Variants in LRP2 observed in about 807,000 individuals in gnomAD.
LRP2 encodes the protein low-density lipoprotein receptor-related protein 2.
A neutral mutation model predicts 531.0 loss-of-function variants in LRP2; 172 were observed. The observed-to-expected ratio is 0.32, with a 90% CI of 0.29 to 0.37. LRP2 has a LOEUF of 0.37. LRP2 is among the 10% of genes least tolerant of loss of function. LRP2 has a pLI of 1.00. For missense variants in LRP2, 5,167 were observed against 5,868.3 expected, an observed-to-expected ratio of 0.88 and a Z score of 3.90; for synonymous variants, 1,992 against 2,027.6, an observed-to-expected ratio of 0.98 and a Z score of 0.47.
intron 61 of LRP2, among the ~76,000 whole-genome samples, chr2:169,167,966 C>T (rs1443407364): frequency 7.1e-6 from 1 of 140,668 alleles, no homozygotes; most frequent in Non-Finnish European, 1.5e-5. Flanking sequence ...ACCCCTCCTC[C>T]TCTGCTACTG....
At chr2:169,211,868 A>T in intron 37 of LRP2, 100 bp downstream of exon 37, 4 of 1,462,330 alleles carry the variant, frequency 2.7e-6, no homozygotes, top group Non-Finnish European at 3.8e-6. Flanking sequence ...AAGCTTCATT[A>T]TGCACTGAAT....
At chr2:169,351,972 G>A (rs1243641506) in intron 1 of LRP2, among the ~76,000 whole-genome samples, 1 of 152,302 alleles carries the variant, frequency 6.6e-6, no homozygotes. Flanking sequence ...GAGGCGGTAG[G>A]ATCAACAAAC....
intron 34 of LRP2, among the ~76,000 whole-genome samples, chr2:169,218,800 G>T (rs906815218): frequency 6.6e-6 from 1 of 152,040 alleles, no homozygotes; most frequent in Non-Finnish European, 1.5e-5. Flanking sequence ...TTTACTGCTC[G>T]AAAGATCTTG....
intron 22 of LRP2, among the ~76,000 whole-genome samples, chr2:169,243,899 T>G (rs914541974): frequency 6.6e-6 from 1 of 152,192 alleles, no homozygotes; most frequent in African/African-American, 2.4e-5. Flanking sequence ...ATGACCCACA[T>G]GCCTAGTAGC....
chr2:169,282,434 T>C (rs758532611), intron 10 of LRP2, among the ~76,000 whole-genome samples: 1 of 152,206 alleles, frequency 6.6e-6, no homozygotes, highest in Non-Finnish European at 1.5e-5. Flanking sequence ...AAATTGTTAA[T>C]CCAAATTTAG....
At chr2:169,208,555 C>T (rs989451812) in intron 38 of LRP2, among the ~76,000 whole-genome samples, 1 of 152,162 alleles carries the variant, frequency 6.6e-6, no homozygotes, top group African/African-American at 2.4e-5. Context: ...CTCCCGGCTT[C>T]AAGAGATTCT....
rs1422189127 is a variant in LRP2 at position 169,169,794 on chromosome 2, T to C, written c.11405A>G (p.Tyr3802Cys). 1.2e-6 allele frequency: 2 copies of C among 1,613,542 alleles called. No individual in the cohort carries two copies. The highest frequency in any genetic ancestry group is 2.2e-5 in the East Asian group (1 of 44,872). ...ACAATGTCCACTTGTACACTGAAAA[T>C]ATTCAGGATGGCAGGTCCTCATCTC... is the stretch of plus-strand genomic sequence containing the variant. ...DCEMRTCHPEYFQCTSGHCVH... is the reference protein window; with the variant it reads ...DCEMRTCHPECFQCTSGHCVH... The change falls in exon 60 of 79, where the codon TAT (tyrosine) becomes TGT (cysteine). Residue 3802 changes from tyrosine (Y) to cysteine (C), a missense_variant. Transcript: ENST00000649046.
intron 19 of LRP2, among the ~76,000 whole-genome samples, chr2:169,247,959 C>T (rs1045326241): frequency 2.0e-5 from 3 of 152,180 alleles, no homozygotes; most frequent in African/African-American, 7.2e-5. Context: ...CCAGGTCAAA[C>T]AGTTCATATT....
In LRP2 at chr2:169,140,475, C is replaced by A; in HGVS notation, c.13179G>T (p.Glu4393Asp). Residue 4393 changes from glutamate (E) to aspartate (D), a missense_variant, in exon 72 of 79, where the codon GAG (glutamate) becomes GAT (aspartate). Transcript: ENST00000649046. Reference sequence around the variant, plus strand: ...CTTACTTGCATTTGGGGAGGTCAGTCTCATCAAAATAGCAATTTCCTCCGT... The same window carrying A: ...CTTACTTGCATTTGGGGAGGTCAGTATCATCAAAATAGCAATTTCCTCCGT... ...CMHGGNCYFD[E>D]TDLPKCKCPS... The A allele has an allele frequency of 6.2e-6, 10 of 1,614,096 alleles. No homozygotes were observed. The highest frequency in any genetic ancestry group is 8.5e-6 in the Non-Finnish European group (10 of 1,179,964).
intron 9 of LRP2, among the ~76,000 whole-genome samples, chr2:169,284,247 C>CTTTTTTTTCTCTTTTTTTTTTTTTTTTTT (rs1683782427): frequency 1.4e-5 from 1 of 72,236 alleles, no homozygotes; most frequent in Non-Finnish European, 2.9e-5. Flanking sequence ...TTTTCTTTTT[C>CTTTTTTTTCTCTTTTTTTTTTTTTTTTTT]TTTTTTTTCT....
Position 169,201,889 on chromosome 2 carries a change from T to A in LRP2, c.8210-19A>T, listed in dbSNP as rs1332012593. On this transcript the variant is annotated intron_variant, in intron 43 of 78. Coordinates refer to ENST00000649046, the MANE Select transcript of LRP2 (RefSeq NM_004525.3). ...TGAAGTGCTAAGAACAGGAAAAACA[T>A]GAGAACAAACCCTCTTGATTAAAAC... 1.2e-6 allele frequency: 2 copies of A among 1,613,894 alleles called. No homozygotes were observed. Among genetic ancestry groups the A allele is most frequent in the Non-Finnish European group, 8.5e-7 (1 of 1,179,994 alleles).
chr2:169,171,984 A>G (rs1452789383), intron 58 of LRP2, 31 bp downstream of exon 58: 1 of 1,613,614 alleles, frequency 6.2e-7, no homozygotes. Flanking sequence ...CTCTGGTGGT[A>G]TATAAGGACC....
At chr2:169,271,611 GCA>G (rs55672417) in intron 15 of LRP2, 2,861 of 234,008 alleles carry the variant, frequency 0.012, 40 homozygotes, top group South Asian at 0.049. Flanking sequence ...GGCAAAACAT[GCA>G]CACACACACA....
intron 15 of LRP2, chr2:169,271,633 ACACACACAC>A (rs911709646): frequency 9.0e-6 from 4 of 443,598 alleles, no homozygotes; most frequent in African/African-American, 8.6e-5. Context: ...ACACACACAC[ACACACACAC>A]ACACACACAC....
chr2:169,284,991 C>T (rs1683814269), intron 9 of LRP2, among the ~76,000 whole-genome samples: 1 of 152,072 alleles, frequency 6.6e-6, no homozygotes, highest in African/African-American at 2.4e-5. Context: ...CTTCCTATCA[C>T]CTGCACTACA....
intron 1 of LRP2, among the ~76,000 whole-genome samples, chr2:169,353,507 T>G (rs1685907915): frequency 6.6e-6 from 1 of 152,054 alleles, no homozygotes; most frequent in Non-Finnish European, 1.5e-5. Flanking sequence ...CCATTTTGAG[T>G]TGGGTTTTCT....
chr2:169,199,669 GA>G (rs149257764), intron 44 of LRP2, among the ~76,000 whole-genome samples: 8 of 151,402 alleles, frequency 5.3e-5, no homozygotes, highest in Non-Finnish European at 8.8e-5. Flanking sequence ...TAACCCTGCA[GA>G]AAAAAAAATT....
At chr2:169,288,933 C>T in intron 9 of LRP2, 93 bp downstream of exon 9, 2 of 1,591,340 alleles carry the variant, frequency 1.3e-6, no homozygotes, top group East Asian at 2.2e-5. Context: ...CATGACGACT[C>T]TCCACAAGTG....
intron 15 of LRP2, among the ~76,000 whole-genome samples, chr2:169,272,129 C>T (rs1444620337): frequency 1.3e-5 from 2 of 152,026 alleles, no homozygotes; most frequent in African/African-American, 4.8e-5. Context: ...AATTTATATA[C>T]GACGCTAGAA....
Sources: gnomAD v4.1 joint callset for allele counts (sites outside exome capture counted in the v4.1 genomes callset) on GRCh38, gnomAD v4.1.1 for gene constraint, MANE v1.5 for transcripts, NCBI Gene and HGNC (gene_info 2026-07-23, HGNC 2026-07-21) for gene names.